The following XXYLT1 variants were observed in gnomAD, a reference collection of about 807,000 sequenced individuals.
The protein encoded by XXYLT1 is UDP-xylose:alpha-xyloside alpha-1,3-xylosyltransferase.
In XXYLT1, 20 loss-of-function variants were observed where a neutral mutation model predicts 28.9. That is an observed-to-expected ratio of 0.69 (90% CI 0.49 to 1.00). The LOEUF (loss-of-function observed/expected upper bound fraction) is 1.00. Among genes scored for constraint, XXYLT1 ranks in the 50% least tolerant of loss-of-function variants. The pLI is 0.00. For synonymous variants in XXYLT1, 257 were observed against 253.8 expected, an observed-to-expected ratio of 1.01 and a Z score of -0.12; for missense variants, 542 against 560.1, an observed-to-expected ratio of 0.97 and a Z score of 0.33.
chr3:195,202,033 CA>C (rs1430135249), intron 2 of XXYLT1, among the ~76,000 whole-genome samples: 7 of 152,064 alleles, frequency 4.6e-5, no homozygotes, highest in Non-Finnish European at 1.0e-4. Flanking sequence ...AAAAATTAGC[CA>C]GGTGTGGTGG....
chr3:195,185,106 G>GAAGT (rs1722131414), intron 2 of XXYLT1, among the ~76,000 whole-genome samples: 1 of 108,872 alleles, frequency 9.2e-6, no homozygotes, highest in African/African-American at 4.6e-5. Flanking sequence ...AGGAAGGAAG[G>GAAGT]AAGGAAGGAA....
At chr3:195,194,372 C>G (rs1722541647) in intron 2 of XXYLT1, among the ~76,000 whole-genome samples, 2 of 151,954 alleles carry the variant, frequency 1.3e-5, no homozygotes, top group Admixed American at 6.6e-5. Context: ...AATGAGATAC[C>G]TTTATACACT....
intron 3 of XXYLT1, among the ~76,000 whole-genome samples, chr3:195,101,970 G>T (rs541174799): frequency 0.016 from 228 of 14,068 alleles, 13 homozygotes; most frequent in Non-Finnish European, 0.04. Flanking sequence ...GGAGGGGACG[G>T]GGGAGGGAGG....
chr3:195,252,643 T>C (rs1725300680), intron 1 of XXYLT1, among the ~76,000 whole-genome samples: 3 of 148,872 alleles, frequency 2.0e-5, no homozygotes, highest in South Asian at 4.2e-4. Flanking sequence ...GTGTTTCTTG[T>C]GGAGAATCAA....
chr3:195,180,649 G>T lies in XXYLT1; in HGVS notation c.653-24068C>A. On this transcript the variant is annotated intron_variant, in intron 2 of 3. Coordinates refer to ENST00000310380, the MANE Select transcript of XXYLT1 (RefSeq NM_152531.5). The surrounding 1 kb of genome is among the most constrained non-coding windows in gnomAD (Gnocchi z 5.8). ...CAGACGGCGGTGGCTGGAGCACCCCGTGCCACTGCAAACGTGACCAGGAAC... is the reference window on the plus strand; with the variant it reads ...CAGACGGCGGTGGCTGGAGCACCCCTTGCCACTGCAAACGTGACCAGGAAC... 1 of 654,044 alleles carries T rather than the reference G, an allele frequency of 1.5e-6. No individual in the cohort carries two copies. The highest frequency in any genetic ancestry group is 1.9e-6 in the Non-Finnish European group (1 of 527,612). The allele number at this position is 654,044 out of a possible 1,614,324, so 40.5% of individuals were successfully genotyped here. A position where few individuals can be genotyped will look rare whatever the true frequency, so the allele number is the denominator to read the frequency against.
intron 3 of XXYLT1, among the ~76,000 whole-genome samples, chr3:195,081,240 T>A (rs752115001): frequency 6.6e-6 from 1 of 152,104 alleles, no homozygotes; most frequent in Non-Finnish European, 1.5e-5. Context: ...AGCGTTTTTA[T>A]GATTTTTATA....
chr3:195,177,706 G>A (rs770636123), intron 2 of XXYLT1, among the ~76,000 whole-genome samples: 27 of 151,922 alleles, frequency 1.8e-4, no homozygotes, highest in Non-Finnish European at 3.7e-4. Flanking sequence ...GAGGACGATC[G>A]CTGAGTGCAG....
At chr3:195,165,405 G>A (rs189787422) in intron 2 of XXYLT1, among the ~76,000 whole-genome samples, 2 of 152,244 alleles carry the variant, frequency 1.3e-5, no homozygotes, top group African/African-American at 2.4e-5. Context: ...GCTTCTCAGC[G>A]AGAGGAAGAT....
Position 195,150,141 on chromosome 3 carries a change from C to T in XXYLT1, c.785+6308G>A, listed in dbSNP as rs191117962. ...GTGGCCAAGCTGGGACTGTGGATAA[C>T]GCTGCCACCACCACCCAGGAGTGCT... On this transcript the variant is annotated intron_variant, in intron 3 of 3. Coordinates refer to ENST00000310380, the MANE Select transcript of XXYLT1 (RefSeq NM_152531.5). The surrounding 1 kb of genome is among the most constrained non-coding windows in gnomAD (Gnocchi z 4.7). Among the ~76,000 whole-genome samples the T allele has an allele frequency of 1.9e-4, 28 of 151,190 alleles. No homozygotes were observed. Among genetic ancestry groups the T allele is most frequent in the Admixed American group, 1.1e-3 (16 of 15,190 alleles).
Position 195,084,078 on chromosome 3 carries a change from A to C in XXYLT1, c.786-13967T>G, listed in dbSNP as rs554006966. 1.2e-3 allele frequency among the ~76,000 whole-genome samples: 182 copies of C among 152,304 alleles called. 1 individual carries two copies. Among genetic ancestry groups the C allele is most frequent in the African/African-American group, 4.2e-3 (175 of 41,562 alleles). On this transcript the variant is annotated intron_variant, in intron 3 of 3. Coordinates refer to ENST00000310380, the MANE Select transcript of XXYLT1 (RefSeq NM_152531.5). ...GGTCACACATTCTGCCTTTTGCTGC[A>C]TTAACTCAGAAAGAGCTCATCTCCT... is the stretch of plus-strand genomic sequence containing the variant.
At chr3:195,143,712 G>A (rs1007911035) in intron 3 of XXYLT1, among the ~76,000 whole-genome samples, 4 of 147,800 alleles carry the variant, frequency 2.7e-5, no homozygotes, top group Non-Finnish European at 4.5e-5. Flanking sequence ...GGCTCTTCTT[G>A]TACCTGTTGC....
At chr3:195,204,769 C>G (rs1158688902) in intron 2 of XXYLT1, among the ~76,000 whole-genome samples, 1 of 152,226 alleles carries the variant, frequency 6.6e-6, no homozygotes, top group Non-Finnish European at 1.5e-5. Flanking sequence ...AGCAGCCCTG[C>G]AGAATCCAGC....
At chr3:195,191,093 C>A (rs1722399786) in intron 2 of XXYLT1, among the ~76,000 whole-genome samples, 1 of 152,118 alleles carries the variant, frequency 6.6e-6, no homozygotes, top group African/African-American at 2.4e-5. Flanking sequence ...TAAAGAAAGG[C>A]AGGGATTATC....
chr3:195,247,208 T>C (rs1329342230), intron 1 of XXYLT1, among the ~76,000 whole-genome samples: 1 of 151,986 alleles, frequency 6.6e-6, no homozygotes, highest in African/African-American at 2.4e-5. Flanking sequence ...GGAGGTGAGA[T>C]GGGAGAAGAG....
intron 2 of XXYLT1, among the ~76,000 whole-genome samples, chr3:195,159,137 A>G (rs1367735526): frequency 6.6e-6 from 1 of 152,224 alleles, no homozygotes; most frequent in South Asian, 2.1e-4. Context: ...ATCATGAGGA[A>G]GAATGAGAAA....
At chr3:195,211,665 A>T (rs1221044099) in intron 2 of XXYLT1, among the ~76,000 whole-genome samples, 2 of 152,230 alleles carry the variant, frequency 1.3e-5, no homozygotes, top group African/African-American at 4.8e-5. Flanking sequence ...AATCCATTCC[A>T]CATGAGCAGA....
At chr3:195,196,244 C>A (rs973021065) in intron 2 of XXYLT1, among the ~76,000 whole-genome samples, 1 of 152,184 alleles carries the variant, frequency 6.6e-6, no homozygotes, top group Non-Finnish European at 1.5e-5. Context: ...ACAAAAATGG[C>A]CACATGTGGC....
At chr3:195,085,496 C>T (rs1266076438) in intron 3 of XXYLT1, among the ~76,000 whole-genome samples, 1 of 152,200 alleles carries the variant, frequency 6.6e-6, no homozygotes, top group Non-Finnish European at 1.5e-5. Flanking sequence ...CCAGAGACCG[C>T]GGTGGGAGGG....
At chr3:195,205,306 C>T (rs1332200558) in intron 2 of XXYLT1, among the ~76,000 whole-genome samples, 2 of 152,174 alleles carry the variant, frequency 1.3e-5, no homozygotes, top group African/African-American at 4.8e-5. Flanking sequence ...CTGGTATATT[C>T]GCATGATGAA....
Sources: allele counts gnomAD v4.1 joint callset (sites outside exome capture counted in the v4.1 genomes callset), GRCh38; gene constraint gnomAD v4.1.1; non-coding constraint Gnocchi (gnomAD v3.1); transcripts MANE v1.5; gene names NCBI Gene and HGNC (gene_info 2026-07-23, HGNC 2026-07-21).